The following ARGFX variants were observed in gnomAD, a reference collection of about 807,000 sequenced individuals.
The protein encoded by ARGFX is arginine-fifty homeobox.
Under a neutral mutation model 8.0 loss-of-function variants are expected in ARGFX, and 10 were observed. The ratio of observed to expected loss-of-function variants is 1.25; its 90% CI spans 0.77 to 2.12. The LOEUF is 2.12. Among genes scored for constraint, ARGFX ranks in the 30% most tolerant of loss-of-function variants. ARGFX has a pLI of 0.00. For synonymous variants in ARGFX, 116 were observed against 117.8 expected (o/e 0.98, Z 0.10); for missense variants, 282 against 324.3 (o/e 0.87, Z 1.00).
In ARGFX at chr3:121,576,705, CTT is replaced by C. The variant is rs113058973; in HGVS notation, c.104-75_104-74del. On this transcript the variant is annotated intron_variant, in intron 2 of 4. Transcript: ENST00000334384. ...TCTTTTTCTTTCTTTCTCTTTCTTT[CTT>C]TTTCTTTCTTTCTTTCTTTCTTTCT... The C allele has an allele frequency of 4.1e-3, 906 of 223,150 alleles. 12 individuals carry two copies. In the African/African-American group the frequency reaches 0.041, roughly 10 times the overall value. The allele number at this position is 223,150 out of a possible 1,614,324, so 13.8% of individuals were successfully genotyped here. A position where few individuals can be genotyped will look rare whatever the true frequency, so the allele number is the denominator to read the frequency against.
Position 121,589,677 on chromosome 3 carries a change from A to G in ARGFX, c.*3077A>G, listed in dbSNP as rs2048834320. Among the ~76,000 whole-genome samples, 1 of 152,180 alleles carries G rather than the reference A, an allele frequency of 6.6e-6. No individual in the cohort carries two copies. The highest frequency in any genetic ancestry group is 2.4e-5 in the African/African-American group (1 of 41,444). On this transcript the variant is annotated 3_prime_UTR_variant, in exon 5 of 5. Transcript: ENST00000334384. ...AGGTGTGAGCTACCTCACCTGGCCA[A>G]AACAGTTTTTTTAGAAATGAAGTAT...
chr3:121,582,009 A>T (rs920418770), intron 3 of ARGFX, among the ~76,000 whole-genome samples: 1 of 152,186 alleles, frequency 6.6e-6, no homozygotes, highest in Admixed American at 6.6e-5. Context: ...CTAGAGAGTA[A>T]TTGGGTGGTT....
rs1177408849 is a variant in ARGFX at position 121,589,067 on chromosome 3, C to T, written c.*2467C>T. On this transcript the variant is annotated 3_prime_UTR_variant, in exon 5 of 5. Transcript: ENST00000334384. The stretch of plus-strand genomic sequence containing the variant: ...GCCAGAGCCCATGGTCCCAGCTACT[C>T]GAGAGGCTGAGGTAAGAGCATCCCT... Among the ~76,000 whole-genome samples, 2 of 152,102 alleles carry T rather than the reference C, an allele frequency of 1.3e-5. No individual in the cohort carries two copies. The highest frequency in any genetic ancestry group is 1.9e-4 in the East Asian group (1 of 5,190).
chr3:121,572,062 C>T (rs770588373), intron 2 of ARGFX, among the ~76,000 whole-genome samples: 1 of 151,738 alleles, frequency 6.6e-6, no homozygotes, highest in Non-Finnish European at 1.5e-5. Context: ...GATCTCCTGA[C>T]CTCTGGTGAT....
rs377124457 is a variant in ARGFX, at chr3:121,576,707, T to TTC, written c.104-76_104-75insCT. The TTC allele has an allele frequency of 3.4e-3, 841 of 249,146 alleles. 13 individuals carry two copies. The highest frequency in any genetic ancestry group is 0.02 in the African/African-American group (764 of 37,726). 15.4% of individuals were successfully genotyped at this position (249,146 alleles called of 1,614,324 possible). ...TTTTTCTTTCTTTCTCTTTCTTTCT[T>TTC]TTTCTTTCTTTCTTTCTTTCTTTCT... On this transcript the variant is annotated intron_variant, in intron 2 of 4. Coordinates refer to ENST00000334384, the MANE Select transcript of ARGFX (RefSeq NM_001012659.2).
rs756800220 is a variant in ARGFX, at chr3:121,588,311, CAAA to C, written c.*1729_*1731del. Among the ~76,000 whole-genome samples the C allele has an allele frequency of 9.7e-5, 5 of 51,480 alleles. No homozygotes were observed. The highest frequency in any genetic ancestry group is 2.8e-4 in the Admixed American group (1 of 3,606). The allele number at this position is 51,480 out of a possible 152,430, so 33.8% of individuals were successfully genotyped here. ...TGAAATCCCGTCTCTACTAAAAATA[CAAA>C]AAAAAAAAAAAAAAAAAGCCAGGCA... On this transcript the variant is annotated 3_prime_UTR_variant, in exon 5 of 5. Coordinates refer to ENST00000334384, the MANE Select transcript of ARGFX (RefSeq NM_001012659.2).
intron 2 of ARGFX, among the ~76,000 whole-genome samples, chr3:121,571,449 C>G (rs1263592893): frequency 6.6e-6 from 1 of 151,774 alleles, no homozygotes; most frequent in Admixed American, 6.6e-5. Flanking sequence ...AAGAAATAAA[C>G]TTAACTAAGG....
chr3:121,577,347 G>A (rs889731171), intron 3 of ARGFX, among the ~76,000 whole-genome samples: 4 of 148,682 alleles, frequency 2.7e-5, no homozygotes, highest in African/African-American at 1.0e-4. Context: ...TCCACCTCCT[G>A]GGTTCAAGCG....
rs928131371 is a variant in ARGFX, at chr3:121,568,020, A to C, written c.-13+7A>C. On this transcript the variant is annotated splice_region_variant and intron_variant, in intron 1 of 4. Transcript: ENST00000334384. ...CTAAGGGGATTCGTGACAGGTAAGC[A>C]TGGGGGAGCGGGGAGGGTAGCCAGA... is the stretch of plus-strand genomic sequence containing the variant. Among the ~76,000 whole-genome samples, 12 of 152,204 alleles carry C rather than the reference A, an allele frequency of 7.9e-5. No individual in the cohort carries two copies. The highest frequency in any genetic ancestry group is 1.6e-4 in the Non-Finnish European group (11 of 68,040).
At position 121,587,847 on chromosome 3, in the gene ARGFX, T is replaced by C. The variant is rs1254634000; in HGVS notation, c.*1247T>C. Reference sequence around the variant, plus strand: ...CTAATTTTTGTATTTTTAGTGGAGATGGGGTTTCGCCTTGTTGCCCAGGCT... The same window carrying C: ...CTAATTTTTGTATTTTTAGTGGAGACGGGGTTTCGCCTTGTTGCCCAGGCT... On this transcript the variant is annotated 3_prime_UTR_variant, in exon 5 of 5. Coordinates refer to ENST00000334384, the MANE Select transcript of ARGFX (RefSeq NM_001012659.2). Among the ~76,000 whole-genome samples the C allele has an allele frequency of 1.3e-5, 2 of 151,492 alleles. No homozygotes were observed. Among genetic ancestry groups the C allele is most frequent in the Middle Eastern group, 3.4e-3 (1 of 290 alleles).
At chr3:121,585,210 C>T (rs1249602508) in intron 4 of ARGFX, 145 bp downstream of exon 4, 5 of 964,268 alleles carry the variant, frequency 5.2e-6, no homozygotes, top group East Asian at 2.7e-5. Context: ...CTGGGGACAT[C>T]GCAAATACTG....
At chr3:121,575,074 C>T (rs887134229) in intron 2 of ARGFX, among the ~76,000 whole-genome samples, 1 of 152,190 alleles carries the variant, frequency 6.6e-6, no homozygotes, top group African/African-American at 2.4e-5. Flanking sequence ...AATCTCGGCA[C>T]TTTGGGAGGC....
intron 3 of ARGFX, among the ~76,000 whole-genome samples, chr3:121,581,079 G>T (rs771528470): frequency 9.9e-5 from 15 of 151,930 alleles, no homozygotes; most frequent in Non-Finnish European, 2.1e-4. Flanking sequence ...GGGTTCAAGC[G>T]ACTCTCGTGC....
chr3:121,590,399 G>T lies in ARGFX; in HGVS notation c.*3799G>T, dbSNP rs1243042256. On this transcript the variant is annotated 3_prime_UTR_variant, in exon 5 of 5. Coordinates refer to ENST00000334384, the MANE Select transcript of ARGFX (RefSeq NM_001012659.2). Reference sequence around the variant, plus strand: ...GGAGTGGGTTAGTTATCTCAGAAGTGGGTTCCTGATAAAAGGATGAGTTCG... The same window carrying T: ...GGAGTGGGTTAGTTATCTCAGAAGTTGGTTCCTGATAAAAGGATGAGTTCG... 6.6e-6 allele frequency among the ~76,000 whole-genome samples: 1 copy of T among 152,142 alleles called. No individual in the cohort carries two copies. Among genetic ancestry groups the T allele is most frequent in the Non-Finnish European group, 1.5e-5 (1 of 68,032 alleles).
intron 2 of ARGFX, among the ~76,000 whole-genome samples, chr3:121,574,873 T>C (rs973226979): frequency 6.6e-6 from 1 of 152,138 alleles, no homozygotes; most frequent in Non-Finnish European, 1.5e-5. Context: ...AATGTGGAAA[T>C]AGAGGCTGCA....
intron 1 of ARGFX, 40 bp from the exon 2 acceptor site, chr3:121,570,662 C>CCTCAT: frequency 7.4e-7 from 1 of 1,353,160 alleles, no homozygotes; most frequent in South Asian, 1.3e-5. Context: ...CGAATGAATT[C>CCTCAT]CTCATCAGCA....
intron 1 of ARGFX, 75 bp from the exon 2 acceptor site, chr3:121,570,627 G>C (rs936993147): frequency 6.3e-6 from 6 of 952,220 alleles, no homozygotes; most frequent in East Asian, 2.7e-5. Flanking sequence ...TCAAGCCCAG[G>C]CTCCTTGAAA....
intron 3 of ARGFX, among the ~76,000 whole-genome samples, chr3:121,581,577 A>T (rs2048780468): frequency 6.6e-6 from 1 of 152,228 alleles, no homozygotes; most frequent in South Asian, 2.1e-4. Context: ...TAATTGCACT[A>T]TCAGTTTTTA....
In ARGFX at chr3:121,584,942, T is replaced by C. The variant is rs2048802182; in HGVS notation, c.246T>C (p.Arg82=). The C allele has an allele frequency of 1.2e-6, 2 of 1,613,550 alleles. No homozygotes were observed. Among genetic ancestry groups the C allele is most frequent in the Middle Eastern group, 1.7e-4 (1 of 5,762 alleles). Residue 82 remains arginine, a synonymous_variant, in exon 4 of 5, where the codon CGT becomes CGC. Transcript: ENST00000334384. The part of the protein sequence containing the change: ...TTAIRRRHKE[R]TSFTHQQYEE... ...CAATACGGAGAAGGCATAAAGAACG[T>C]ACTTCTTTCACCCACCAACAGTATG...
Sources: allele counts gnomAD v4.1 joint callset (sites outside exome capture counted in the v4.1 genomes callset), GRCh38; gene constraint gnomAD v4.1.1; transcripts MANE v1.5; gene names NCBI Gene and HGNC (gene_info 2026-07-23, HGNC 2026-07-21).